Variants in WWOX observed in about 807,000 individuals in gnomAD.
The protein encoded by WWOX is WW domain-containing oxidoreductase.
Under a neutral mutation model 46.2 loss-of-function variants are expected in WWOX, and 69 were observed. That is an observed-to-expected ratio of 1.49 (90% confidence interval 1.23 to 1.82). WWOX has a LOEUF of 1.82. Among genes scored for constraint, WWOX ranks in the 40% most tolerant of loss-of-function variants. The pLI is 0.00. For missense variants in WWOX, 919 were observed against 542.6 expected (o/e 1.69, Z -6.89); for synonymous variants, 359 against 202.6 (o/e 1.77, Z -6.56).
intron 8 of WWOX, among the ~76,000 whole-genome samples, chr16:78,674,695 TA>T (rs2047549773): frequency 6.6e-6 from 1 of 152,188 alleles, no homozygotes; most frequent in Admixed American, 6.5e-5. Context: ...AAATACTTAT[TA>T]AACAAAGAAA....
chr16:78,332,664 A>G (rs1033793295), intron 5 of WWOX, among the ~76,000 whole-genome samples: 1 of 152,120 alleles, frequency 6.6e-6, no homozygotes, highest in Non-Finnish European at 1.5e-5. Flanking sequence ...TTGTGATTGG[A>G]TATGATAATC....
intron 8 of WWOX, among the ~76,000 whole-genome samples, chr16:79,194,294 A>C (rs1443153497): frequency 6.6e-6 from 1 of 152,182 alleles, no homozygotes; most frequent in Non-Finnish European, 1.5e-5. Context: ...CCTTCAAAGG[A>C]AATTTGAGCA....
chr16:78,466,364 T>G (rs908114119), intron 8 of WWOX, among the ~76,000 whole-genome samples: 7 of 152,180 alleles, frequency 4.6e-5, no homozygotes, highest in African/African-American at 9.7e-5. Flanking sequence ...GTGGTGAAAC[T>G]GTTTTGGAAC....
At chr16:78,529,631 A>G (rs2043570301) in intron 8 of WWOX, among the ~76,000 whole-genome samples, 1 of 151,264 alleles carries the variant, frequency 6.6e-6, no homozygotes, top group African/African-American at 2.4e-5. Context: ...CACACCTGGC[A>G]ATTTTTTTTT....
rs576448435 is a variant in WWOX, at chr16:78,629,836, C to G, written c.1056+197084C>G. Among the ~76,000 whole-genome samples the G allele has an allele frequency of 5.5e-4, 83 of 152,106 alleles. 1 individual carries two copies. The highest frequency in any genetic ancestry group is 1.9e-3 in the African/African-American group (79 of 41,424). ...AGTGGATTTTTAGAAATAGAAAAAA[C>G]TAATTTAGAAATAGAAAATTAATTG... On this transcript the variant is annotated intron_variant, in intron 8 of 8. Coordinates refer to ENST00000566780, the MANE Select transcript of WWOX (RefSeq NM_016373.4).
intron 5 of WWOX, among the ~76,000 whole-genome samples, chr16:78,328,684 G>A (rs143236003): frequency 1.3e-5 from 2 of 152,146 alleles, no homozygotes; most frequent in Non-Finnish European, 2.9e-5. Context: ...TGATAATGCT[G>A]ATGTGACTGG....
intron 8 of WWOX, among the ~76,000 whole-genome samples, chr16:78,753,668 G>A (rs867137833): frequency 4.9e-4 from 74 of 151,270 alleles, no homozygotes; most frequent in African/African-American, 1.6e-3. Context: ...TGGGCATTGT[G>A]GTATGTACCT....
chr16:78,223,206 C>T (rs2036948237), intron 5 of WWOX, among the ~76,000 whole-genome samples: 1 of 152,140 alleles, frequency 6.6e-6, no homozygotes, highest in African/African-American at 2.4e-5. Context: ...CATCAAGGGA[C>T]ACTTGTCTGG....
intron 6 of WWOX, among the ~76,000 whole-genome samples, chr16:78,403,931 G>C (rs985598036): frequency 6.6e-6 from 1 of 152,194 alleles, no homozygotes; most frequent in South Asian, 2.1e-4. Flanking sequence ...GTGGACCACA[G>C]AGCAGGGTTT....
At position 78,695,833 on chromosome 16, in the gene WWOX, A is replaced by G. The variant is rs73571457; in HGVS notation, c.1056+263081A>G. ...ATATTTTAATGTCCCATGGGTGTGC[A>G]TCAGGTACGCTGTGGAAGGACAGAT... On this transcript the variant is annotated intron_variant, in intron 8 of 8. Transcript: ENST00000566780. Among the ~76,000 whole-genome samples the G allele has an allele frequency of 1.9e-3, 287 of 152,324 alleles. 2 individuals are homozygous for G. The highest frequency in any genetic ancestry group is 6.0e-3 in the South Asian group (29 of 4,828).
intron 8 of WWOX, among the ~76,000 whole-genome samples, chr16:78,501,345 C>G (rs1456762656): frequency 1.3e-5 from 2 of 151,690 alleles, no homozygotes; most frequent in African/African-American, 2.4e-5. Flanking sequence ...TTCAGATTTT[C>G]AAGAGCTTAA....
intron 8 of WWOX, among the ~76,000 whole-genome samples, chr16:79,196,026 C>T (rs1445326710): frequency 2.0e-5 from 3 of 152,154 alleles, no homozygotes; most frequent in East Asian, 3.9e-4. Context: ...AGTACTGACG[C>T]TTCTCATGCA....
intron 5 of WWOX, among the ~76,000 whole-genome samples, chr16:78,173,425 A>G (rs1218214100): frequency 6.7e-6 from 1 of 149,900 alleles, no homozygotes; most frequent in Middle Eastern, 3.5e-3. Context: ...AGTAGCTGGG[A>G]CTACAGGCTT....
At chr16:78,940,481 C>T (rs893216661) in intron 8 of WWOX, among the ~76,000 whole-genome samples, 3 of 152,074 alleles carry the variant, frequency 2.0e-5, no homozygotes, top group South Asian at 2.1e-4. Flanking sequence ...GAGGAGTATC[C>T]GGTGTTAGGA....
intron 8 of WWOX, among the ~76,000 whole-genome samples, chr16:79,061,339 A>G (rs547900542): frequency 1.3e-5 from 2 of 152,298 alleles, no homozygotes; most frequent in South Asian, 4.1e-4. Flanking sequence ...GATGAATTAC[A>G]AGATTACTCC....
At chr16:78,405,495 G>C (rs969572025) in intron 6 of WWOX, among the ~76,000 whole-genome samples, 30 of 152,272 alleles carry the variant, frequency 2.0e-4, no homozygotes, top group Admixed American at 1.3e-4. Flanking sequence ...GATTTTATAT[G>C]TTGATGTTTC....
chr16:78,923,891 C>A (rs1322556043), intron 8 of WWOX, among the ~76,000 whole-genome samples: 1 of 150,200 alleles, frequency 6.7e-6, no homozygotes, highest in East Asian at 2.0e-4. Context: ...CCTCCGCCTC[C>A]TGGGTTCATG....
At chr16:78,480,315 A>C (rs982389966) in intron 8 of WWOX, among the ~76,000 whole-genome samples, 1 of 152,210 alleles carries the variant, frequency 6.6e-6, no homozygotes, top group Admixed American at 6.5e-5. Context: ...ATTAGTCCCC[A>C]AAGTGTGAAG....
intron 8 of WWOX, among the ~76,000 whole-genome samples, chr16:79,061,510 C>T (rs2048357047): frequency 6.6e-6 from 1 of 152,164 alleles, no homozygotes; most frequent in Non-Finnish European, 1.5e-5. Context: ...TGCGGGGATA[C>T]CCATTCAACA....
Sources: gnomAD v4.1 joint callset for allele counts (sites outside exome capture counted in the v4.1 genomes callset) on GRCh38, gnomAD v4.1.1 for gene constraint, MANE v1.5 for transcripts, NCBI Gene and HGNC (gene_info 2026-07-23, HGNC 2026-07-21) for gene names.